SHC3: variants seen among roughly 807,000 people sequenced by gnomAD.
The protein encoded by SHC3 is SHC-transforming protein 3.
In SHC3, 15 loss-of-function variants were observed where a neutral mutation model predicts 60.4. The observed-to-expected ratio is 0.25, with a 90% confidence interval of 0.17 to 0.38. The LOEUF (loss-of-function observed/expected upper bound fraction) is 0.38. Among genes scored for constraint, SHC3 ranks in the 10% least tolerant of loss-of-function variants. SHC3 has a pLI of 1.00. For missense variants in SHC3, 677 were observed against 786.1 expected, an observed-to-expected ratio of 0.86 and a Z score of 1.66; for synonymous variants, 294 against 325.9, an observed-to-expected ratio of 0.90 and a Z score of 1.05.
At chr9:89,122,104 C>T (rs1287952372) in intron 1 of SHC3, among the ~76,000 whole-genome samples, 1 of 152,202 alleles carries the variant, frequency 6.6e-6, no homozygotes, top group African/African-American at 2.4e-5. Context: ...TAAATTTTTT[C>T]ATCTTCTGAG....
chr9:89,059,069 G>A (rs79686935), intron 6 of SHC3, among the ~76,000 whole-genome samples: 11,855 of 147,136 alleles, frequency 0.081, 620 homozygotes, highest in Admixed American at 0.12. Flanking sequence ...GGTGGAGGAC[G>A]TGGTAAAGGA....
At chr9:89,053,465 A>T (rs1261267852) in intron 6 of SHC3, among the ~76,000 whole-genome samples, 1 of 152,192 alleles carries the variant, frequency 6.6e-6, no homozygotes, top group African/African-American at 2.4e-5. Flanking sequence ...GCCTCTCAGC[A>T]TAATACGGCA....
chr9:89,165,210 G>A (rs548844928), intron 1 of SHC3, among the ~76,000 whole-genome samples: 19 of 151,908 alleles, frequency 1.3e-4, no homozygotes, highest in Admixed American at 2.6e-4. Flanking sequence ...GTTTTGTGTT[G>A]TGTAAAAGAA....
chr9:89,076,633 G>A (rs976262406), intron 3 of SHC3, among the ~76,000 whole-genome samples: 6 of 151,724 alleles, frequency 4.0e-5, no homozygotes, highest in African/African-American at 1.2e-4. Context: ...GTTTGAACAT[G>A]CAGCCTGTGG....
intron 5 of SHC3, among the ~76,000 whole-genome samples, chr9:89,066,317 C>T (rs1825180362): frequency 6.6e-6 from 1 of 152,178 alleles, no homozygotes; most frequent in Non-Finnish European, 1.5e-5. Context: ...AGGCTGACTG[C>T]AAATGCTGCC....
At chr9:89,146,378 C>CA (rs773964774) in intron 1 of SHC3, among the ~76,000 whole-genome samples, 49 of 137,422 alleles carry the variant, frequency 3.6e-4, no homozygotes, top group Non-Finnish European at 5.5e-4. Flanking sequence ...CAAAACAAAA[C>CA]AAAAAAAAAC....
chr9:89,168,220 C>T (rs1826818299), intron 1 of SHC3, among the ~76,000 whole-genome samples: 1 of 152,200 alleles, frequency 6.6e-6, no homozygotes, highest in Admixed American at 6.5e-5. Context: ...AATCCCAGCA[C>T]TTTGGGAGGC....
intron 1 of SHC3, among the ~76,000 whole-genome samples, chr9:89,169,843 A>G (rs1326679354): frequency 6.6e-6 from 1 of 152,172 alleles, no homozygotes; most frequent in Non-Finnish European, 1.5e-5. Context: ...TAAAATCCTC[A>G]TAATAAATGT....
chr9:89,039,219 A>T (rs986576704), intron 10 of SHC3, among the ~76,000 whole-genome samples: 1 of 152,244 alleles, frequency 6.6e-6, no homozygotes, highest in African/African-American at 2.4e-5. Flanking sequence ...TTTCCTGAGC[A>T]TAACTACACC....
chr9:89,114,143 G>A (rs1182849770), intron 1 of SHC3, among the ~76,000 whole-genome samples: 1 of 152,050 alleles, frequency 6.6e-6, no homozygotes, highest in Non-Finnish European at 1.5e-5. Flanking sequence ...GGGAATACGG[G>A]AATACCACCA....
intron 11 of SHC3, among the ~76,000 whole-genome samples, chr9:89,031,034 G>A (rs1564085520): frequency 1.3e-5 from 2 of 152,026 alleles, no homozygotes; most frequent in African/African-American, 4.8e-5. Context: ...GGGATTACAG[G>A]TGCATACCAC....
chr9:89,091,054 G>T (rs1216605202), intron 2 of SHC3, among the ~76,000 whole-genome samples: 1 of 152,200 alleles, frequency 6.6e-6, no homozygotes, highest in Non-Finnish European at 1.5e-5. Context: ...CTCATGCTAT[G>T]TTCCCAGAGA....
At chr9:89,172,552 G>GACACACACAGACAC (rs67123305) in intron 1 of SHC3, among the ~76,000 whole-genome samples, 1 of 149,364 alleles carries the variant, frequency 6.7e-6, no homozygotes, top group Non-Finnish European at 1.5e-5. Flanking sequence ...CGAAGACACA[G>GACACACACAGACAC]ACACACACAG....
intron 5 of SHC3, among the ~76,000 whole-genome samples, chr9:89,066,251 TGGG>T (rs913838066): frequency 6.6e-6 from 1 of 152,156 alleles, no homozygotes; most frequent in African/African-American, 2.4e-5. Context: ...GCTGCTGCTC[TGGG>T]GGCCACACTT....
intron 10 of SHC3, among the ~76,000 whole-genome samples, chr9:89,040,760 T>C (rs943836600): frequency 3.9e-5 from 6 of 152,220 alleles, no homozygotes; most frequent in Non-Finnish European, 8.8e-5. Flanking sequence ...GCATTGAAGG[T>C]GGCTTCAAGC....
At chr9:89,037,435 G>A (rs1824600397) in intron 11 of SHC3, 1 of 683,838 alleles carries the variant, frequency 1.5e-6, no homozygotes, top group Admixed American at 2.4e-5. Flanking sequence ...TGTCTTTCTT[G>A]ACGGGAAGAT....
chr9:89,033,026 C>G (rs900163877), intron 11 of SHC3, among the ~76,000 whole-genome samples: 112 of 109,094 alleles, frequency 1.0e-3, no homozygotes, highest in Non-Finnish European at 9.8e-4. Context: ...AGCCCCCCCA[C>G]CGAAGAACAG....
At chr9:89,028,625 ATC>A (rs955343661) in intron 11 of SHC3, among the ~76,000 whole-genome samples, 8 of 146,970 alleles carry the variant, frequency 5.4e-5, no homozygotes, top group African/African-American at 2.0e-4. Context: ...GATATAGATT[ATC>A]TCTCTATATA....
At chr9:89,160,230 A>G (rs1587762130) in intron 1 of SHC3, among the ~76,000 whole-genome samples, 1 of 151,926 alleles carries the variant, frequency 6.6e-6, no homozygotes, top group African/African-American at 2.4e-5. Flanking sequence ...AACACTGTGC[A>G]CCCTCCCACC....
Sources: allele counts gnomAD v4.1 joint callset (sites outside exome capture counted in the v4.1 genomes callset), GRCh38; gene constraint gnomAD v4.1.1; transcripts MANE v1.5; gene names NCBI Gene and HGNC (gene_info 2026-07-23, HGNC 2026-07-21).